The following FARP1 variants were observed in gnomAD, a reference collection of about 807,000 sequenced individuals.
FARP1 encodes the protein FERM, ARH/RhoGEF and pleckstrin domain protein 1.
FARP1 carries 52 observed loss-of-function variants against 128.8 expected under a neutral mutation model. The ratio of observed to expected loss-of-function variants is 0.40; its 90% confidence interval spans 0.32 to 0.51. The LOEUF (loss-of-function observed/expected upper bound fraction) is 0.51. FARP1 is among the 20% of genes least tolerant of loss of function. FARP1 has a pLI of 0.45. For missense variants in FARP1, 1,333 were observed against 1,367.9 expected, an observed-to-expected ratio of 0.97 and a Z score of 0.40; for synonymous variants, 580 against 551.8, an observed-to-expected ratio of 1.05 and a Z score of -0.72.
intron 2 of FARP1, chr13:98,333,077 CA>C (rs1373225933): frequency 6.6e-6 from 1 of 152,126 alleles, no homozygotes; most frequent in Non-Finnish European, 1.5e-5. Context: ...AGAAAAGTGC[CA>C]ATCTTACTAG....
chr13:98,186,456 ACT>A (rs1334736807), intron 1 of FARP1, among the ~76,000 whole-genome samples: 3 of 151,832 alleles, frequency 2.0e-5, no homozygotes, highest in East Asian at 3.9e-4. Flanking sequence ...GCCCCTGGTA[ACT>A]CTTCTACTTT....
chr13:98,298,693 G>A (rs1695045129), intron 2 of FARP1, among the ~76,000 whole-genome samples: 1 of 152,144 alleles, frequency 6.6e-6, no homozygotes, highest in Non-Finnish European at 1.5e-5. Flanking sequence ...TGGGACATGA[G>A]CAATGTATAG....
chr13:98,164,815 C>T (rs1877127894), intron 1 of FARP1, among the ~76,000 whole-genome samples: 1 of 152,164 alleles, frequency 6.6e-6, no homozygotes, highest in Admixed American at 6.5e-5. Context: ...CGCAGTGGCT[C>T]ACACCTATAA....
intron 1 of FARP1, among the ~76,000 whole-genome samples, chr13:98,149,434 G>A (rs974543891): frequency 2.6e-5 from 4 of 152,140 alleles, no homozygotes; most frequent in Non-Finnish European, 4.4e-5. Context: ...ACAAATCTTT[G>A]TGTAGAGATA....
intron 3 of FARP1, 44 bp from the exon 4 acceptor site, chr13:98,365,351 T>G (rs766313675): frequency 6.8e-7 from 1 of 1,468,916 alleles, no homozygotes; most frequent in South Asian, 1.2e-5. Flanking sequence ...TTGCACTCTT[T>G]CATTGAGAAC....
At chr13:98,358,713 G>A (rs1888738789) in intron 3 of FARP1, among the ~76,000 whole-genome samples, 1 of 151,884 alleles carries the variant, frequency 6.6e-6, no homozygotes, top group African/African-American at 2.4e-5. Context: ...TTGGCTCACT[G>A]TAACCTCCGC....
At chr13:98,443,929 A>G (rs1162284190) in intron 24 of FARP1, among the ~76,000 whole-genome samples, 11 of 7,862 alleles carry the variant, frequency 1.4e-3, no homozygotes, top group Admixed American at 3.3e-3. Flanking sequence ...CGGGGGTTAT[A>G]TTTGTTCCCC....
In FARP1 at chr13:98,385,770, A is replaced by G; in HGVS notation, c.715A>G (p.Lys239Glu). 6.2e-7 allele frequency: 1 copy of G among 1,614,196 alleles called. No individual in the cohort carries two copies. The highest frequency in any genetic ancestry group is 8.5e-7 in the Non-Finnish European group (1 of 1,180,040). The change falls in exon 8 of 27, where the codon AAG (lysine) becomes GAG (glutamate). Residue 239 changes from lysine to glutamate, a missense_variant. Transcript: ENST00000319562. ...CCCGGCCAAGGACAGGGAAGGCACG[A>G]AGATCAATCTGGCCGTTGCCAACAC... ...LHPAKDREGT[K>E]INLAVANTGI...
chr13:98,410,194 G>A (rs1030321787), intron 14 of FARP1, among the ~76,000 whole-genome samples: 4 of 152,240 alleles, frequency 2.6e-5, no homozygotes, highest in Non-Finnish European at 4.4e-5. Flanking sequence ...GAGAAAGCAA[G>A]GTTGAATGGC....
Position 98,201,403 on chromosome 13 carries a change from C to T in FARP1, c.-23-11817C>T, listed in dbSNP as rs150023524. On this transcript the variant is annotated intron_variant, in intron 1 of 26. Coordinates refer to ENST00000319562, the MANE Select transcript of FARP1 (RefSeq NM_005766.4). Reference sequence around the variant, plus strand: ...GTTACAGTGAGCAGTGAGCTGAGATCGCGCCACTGCACTGCAGCCTGGGTG... The same window carrying T: ...GTTACAGTGAGCAGTGAGCTGAGATTGCGCCACTGCACTGCAGCCTGGGTG... 5.9e-5 allele frequency among the ~76,000 whole-genome samples: 9 copies of T among 152,294 alleles called. No homozygotes were observed. In the East Asian group the frequency reaches 9.6e-4, roughly 16 times the overall value.
chr13:98,353,244 G>A (rs1223512411), intron 3 of FARP1, among the ~76,000 whole-genome samples: 1 of 152,152 alleles, frequency 6.6e-6, no homozygotes, highest in Admixed American at 6.5e-5. Context: ...TCTGCATAGT[G>A]GTTACCTGTA....
rs535268384 is a variant in FARP1 at position 98,450,715 on chromosome 13, G to C, written c.*2398G>C. 1.3e-5 allele frequency: 2 copies of C among 152,272 alleles called. No homozygotes were observed. Among genetic ancestry groups the C allele is most frequent in the Non-Finnish European group, 2.9e-5 (2 of 68,084 alleles). 9.4% of individuals were successfully genotyped at this position (152,272 alleles called of 1,614,324 possible). On this transcript the variant is annotated 3_prime_UTR_variant, in exon 27 of 27. Coordinates refer to ENST00000319562, the MANE Select transcript of FARP1 (RefSeq NM_005766.4). ...GACAGTAAACCCGTCTCAAAGGCTG[G>C]GCCTGGCTACAGACCAGCAGCAGTT...
chr13:98,395,339 C>T lies in FARP1; in HGVS notation c.1277C>T (p.Pro426Leu), dbSNP rs760549744. The T allele has an allele frequency of 6.2e-6, 10 of 1,611,116 alleles. No individual in the cohort carries two copies. The highest frequency in any genetic ancestry group is 7.6e-6 in the Non-Finnish European group (9 of 1,178,472). The change falls in exon 13 of 27, where the codon CCG becomes CTG. Residue 426 changes from proline to leucine, a missense_variant. Pro to Leu is a moderately conservative substitution (Grantham distance 98). Coordinates refer to ENST00000319562, the MANE Select transcript of FARP1 (RefSeq NM_005766.4). ...KVSAGEPGSH[P>L]SPAPRRSPAG... The stretch of plus-strand genomic sequence containing the variant: ...TCCGCCGGGGAGCCGGGGTCGCACC[C>T]GAGCCCTGCGCCGAGGAGAAGCCCC...
intron 2 of FARP1, among the ~76,000 whole-genome samples, chr13:98,313,242 T>TACACAC (rs71111943): frequency 0.1 from 12,577 of 119,854 alleles, 1,115 homozygotes; most frequent in East Asian, 0.29. Context: ...TGGGTCATAA[T>TACACAC]ACACACACAC....
chr13:98,172,329 G>A (rs776943273), intron 1 of FARP1, among the ~76,000 whole-genome samples: 9 of 151,818 alleles, frequency 5.9e-5, no homozygotes, highest in Non-Finnish European at 7.4e-5. Flanking sequence ...AAAATAGGGC[G>A]TCATGGGGGT....
At chr13:98,181,104 T>C (rs1444792040) in intron 1 of FARP1, among the ~76,000 whole-genome samples, 1 of 152,210 alleles carries the variant, frequency 6.6e-6, no homozygotes. Context: ...GAAAGAGTTG[T>C]ATTGTATGTA....
chr13:98,169,063 T>C (rs764757859), intron 1 of FARP1, among the ~76,000 whole-genome samples: 1 of 152,168 alleles, frequency 6.6e-6, no homozygotes, highest in Non-Finnish European at 1.5e-5. Flanking sequence ...TTTTTAAAAT[T>C]TGTTTGATTT....
In FARP1 at chr13:98,351,002, C is replaced by A. The variant is rs973808688; in HGVS notation, c.276+7136C>A. ...TGCTTACCCTGCCCAGCCTCGCCTC[C>A]CCTGCCCAGCCTCGCCTCCCCTGCC... On this transcript the variant is annotated intron_variant, in intron 3 of 26. Transcript: ENST00000319562. 1.4e-3 allele frequency among the ~76,000 whole-genome samples: 195 copies of A among 136,678 alleles called. 1 individual carries two copies. Among genetic ancestry groups the A allele is most frequent in the Middle Eastern group, 7.5e-3 (2 of 266 alleles). The allele number at this position is 136,678 out of a possible 152,430, so 89.7% of individuals were successfully genotyped here.
chr13:98,241,770 T>A (rs1292081225), intron 2 of FARP1, among the ~76,000 whole-genome samples: 4 of 151,986 alleles, frequency 2.6e-5, no homozygotes, highest in Non-Finnish European at 5.9e-5. Flanking sequence ...AATACAAAAA[T>A]TAGCTGAGCG....
Sources: gnomAD v4.1 joint callset for allele counts (sites outside exome capture counted in the v4.1 genomes callset) on GRCh38, gnomAD v4.1.1 for gene constraint, MANE v1.5 for transcripts, NCBI Gene and HGNC (gene_info 2026-07-23, HGNC 2026-07-21) for gene names.